The following GLS2 variants were observed in gnomAD, a reference collection of about 807,000 sequenced individuals.
The protein encoded by GLS2 is glutaminase liver isoform, mitochondrial.
GLS2 carries 52 observed loss-of-function variants against 79.0 expected under a neutral mutation model. That is an observed-to-expected ratio of 0.66 (90% CI 0.53 to 0.83). The LOEUF (loss-of-function observed/expected upper bound fraction) is 0.83. Among genes scored for constraint, GLS2 ranks in the 40% least tolerant of loss-of-function variants. GLS2 has a pLI of 0.00. For synonymous variants in GLS2, 238 were observed against 280.8 expected (o/e 0.85, Z 1.52); for missense variants, 561 against 764.8 (o/e 0.73, Z 3.14).
chr12:56,484,401 ATATAT>A (rs1870532443), intron 1 of GLS2, among the ~76,000 whole-genome samples: 2 of 152,214 alleles, frequency 1.3e-5, no homozygotes, highest in Non-Finnish European at 2.9e-5. Context: ...ACCATATGGA[ATATAT>A]TATCTATTGA....
At chr12:56,477,741 G>C in intron 6 of GLS2, 23 bp from the exon 7 acceptor site, 2 of 1,607,656 alleles carry the variant, frequency 1.2e-6, no homozygotes, top group Non-Finnish European at 8.5e-7. Context: ...AAACCACCAA[G>C]AGTCTTAGCC....
intron 7 of GLS2, chr12:56,476,408 C>T (rs1383131952): frequency 4.9e-6 from 1 of 205,536 alleles, no homozygotes; most frequent in African/African-American, 2.4e-5. Flanking sequence ...CTCCTAGCCC[C>T]ACCCTATCCC....
Position 56,475,735 on chromosome 12 carries a change from A to G in GLS2, c.871-53T>C. The stretch of plus-strand genomic sequence containing the variant: ...TCCACTTGGTTAAGAAGCTCTATTA[A>G]TACCTCACAGGTTGACTAGCCCTTC... On this transcript the variant is annotated intron_variant, in intron 8 of 17. Coordinates refer to ENST00000311966, the MANE Select transcript of GLS2 (RefSeq NM_013267.4). 1.9e-6 allele frequency: 3 copies of G among 1,587,392 alleles called. No homozygotes were observed. In the South Asian group the frequency reaches 3.3e-5, roughly 18 times the overall value.
rs527514747 is a variant in GLS2, at chr12:56,480,017, C to T, written c.283-116G>A. ...ACCCCAACCACTACAATAGGTGGAA[C>T]AAATGGGTTTGGAGAATAAGAAAGG... On this transcript the variant is annotated intron_variant, in intron 2 of 17. Coordinates refer to ENST00000311966, the MANE Select transcript of GLS2 (RefSeq NM_013267.4). The T allele has an allele frequency of 3.7e-6, 5 of 1,356,056 alleles. No individual in the cohort carries two copies. In the African/African-American group the frequency reaches 4.4e-5, roughly 12 times the overall value. 84.0% of individuals were successfully genotyped at this position (1,356,056 alleles called of 1,614,324 possible).
chr12:56,472,014 T>C (rs1869320586), intron 16 of GLS2, 105 bp downstream of exon 16: 2 of 1,353,204 alleles, frequency 1.5e-6, no homozygotes, highest in Admixed American at 3.5e-5. Flanking sequence ...ATAAAACTAG[T>C]TGCTGCCCCT....
intron 1 of GLS2, among the ~76,000 whole-genome samples, chr12:56,484,011 C>T (rs992988355): frequency 2.6e-5 from 4 of 152,072 alleles, no homozygotes; most frequent in African/African-American, 9.7e-5. Flanking sequence ...GTGGCTCATG[C>T]CTGTAATCCC....
At chr12:56,474,048 A>C (rs1441122063) in intron 12 of GLS2, 2 of 181,700 alleles carry the variant, frequency 1.1e-5, no homozygotes, top group Non-Finnish European at 2.3e-5. Flanking sequence ...AGCAATGTGA[A>C]GCACAATTCA....
chr12:56,473,721 CTTG>C, intron 12 of GLS2, 127 bp from the exon 13 acceptor site: 1 of 1,173,928 alleles, frequency 8.5e-7, no homozygotes, highest in Non-Finnish European at 1.2e-6. Context: ...AACCTTTTGG[CTTG>C]TTAATTAGCT....
rs1251376672 is a variant in GLS2 at position 56,471,597 on chromosome 12, C to G, written c.1699G>C (p.Glu567Gln). 1 of 1,614,068 alleles carries G rather than the reference C, an allele frequency of 6.2e-7. No homozygotes were observed. Among genetic ancestry groups the G allele is most frequent in the East Asian group, 2.2e-5 (1 of 44,882 alleles). The change falls in exon 18 of 18, where the codon GAG (glutamate) becomes CAG (glutamine). Residue 567 changes from glutamate to glutamine, a missense_variant. By Grantham distance (29) the Glu-to-Gln change is conservative. This residue lies in a region of GLS2 where 136 missense variants were observed against 228.6 expected (regional missense o/e 0.59). Transcript: ENST00000311966. ...TAATCTTGAAGCAGTTTGACCACCT[C>G]CAGATGGTTGAACTGCACAGCATCA... is the stretch of plus-strand genomic sequence containing the variant. ...LDDAVQFNHL[E>Q]VVKLLQDYQD... is the part of the protein sequence containing the mutation.
chr12:56,473,140 T>C (rs1414281246), intron 14 of GLS2, 88 bp downstream of exon 14: 2 of 1,200,268 alleles, frequency 1.7e-6, no homozygotes, highest in Non-Finnish European at 2.4e-6. Flanking sequence ...CCGCCCGCCT[T>C]GGCCTCTCAA....
At chr12:56,479,315 A>C in intron 3 of GLS2, 134 bp from the exon 4 acceptor site, 5 of 1,126,694 alleles carry the variant, frequency 4.4e-6, no homozygotes, top group Non-Finnish European at 6.1e-6. Flanking sequence ...TACCTTTGGC[A>C]AATCAGTTTA....
rs771193153 is a variant in GLS2 at position 56,472,803 on chromosome 12, C to T, written c.1450-52G>A. On this transcript the variant is annotated intron_variant, in intron 14 of 17. Transcript: ENST00000311966. ...CATTAATTGAACTCACCTATGCCAG[C>T]TGTGCCCTGTGACCCTCCTCCATGG... The T allele has an allele frequency of 3.3e-6, 5 of 1,518,910 alleles. No individual in the cohort carries two copies. The Admixed American group carries it at 6.7e-5, about 20-fold the overall frequency. 94.1% of individuals were successfully genotyped at this position (1,518,910 alleles called of 1,614,324 possible). A position where few individuals can be genotyped will look rare whatever the true frequency, so the allele number is the denominator to read the frequency against.
At chr12:56,475,583 C>T in intron 9 of GLS2, 41 bp downstream of exon 9, 1 of 1,595,466 alleles carries the variant, frequency 6.3e-7, no homozygotes, top group Non-Finnish European at 8.6e-7. Context: ...CACACACATA[C>T]ACCACAATGC....
At chr12:56,474,798 CA>C (rs1869648842) in intron 11 of GLS2, 47 bp downstream of exon 11, 2 of 1,612,964 alleles carry the variant, frequency 1.2e-6, no homozygotes, top group East Asian at 4.5e-5. Flanking sequence ...AGGGCAAGGG[CA>C]AGGACAGTCT....
chr12:56,475,396 A>G, intron 9 of GLS2: 1 of 726,878 alleles, frequency 1.4e-6, no homozygotes, highest in Non-Finnish European at 2.2e-6. Context: ...GGGCTTAGGC[A>G]CAAACCATCA....
At position 56,487,953 on chromosome 12, in the gene GLS2, G is replaced by T; in HGVS notation, c.166C>A (p.Pro56Thr). 6.2e-7 allele frequency: 1 copy of T among 1,603,156 alleles called. No individual in the cohort carries two copies. Among genetic ancestry groups the T allele is most frequent in the Non-Finnish European group, 8.5e-7 (1 of 1,179,674 alleles). The change falls in exon 1 of 18, where the codon CCG becomes ACG. Residue 56 changes from proline (P) to threonine (T), a missense_variant. Around this residue, in one of 4 missense-constraint regions of GLS2, gnomAD observed 161 missense variants for 167.8 expected, o/e 0.96. Transcript: ENST00000311966. ...GAGCCTTACTGATCCTGGTGCTGCG[G>T]CTGGTGGCTGTGTGGCGTCTCTCTG... Reference protein sequence around the residue: ...QGRETPHSHQPQHQDHDSSES... With the variant: ...QGRETPHSHQTQHQDHDSSES...
At chr12:56,473,728 ATTAGCTTC>A in intron 12 of GLS2, 134 bp from the exon 13 acceptor site, 1 of 1,093,774 alleles carries the variant, frequency 9.1e-7, no homozygotes, top group Non-Finnish European at 1.3e-6. Flanking sequence ...TGGCTTGTTA[ATTAGCTTC>A]TTTTATTACT....
chr12:56,472,041 A>G (rs1296846126), intron 16 of GLS2, 78 bp downstream of exon 16: 2 of 1,503,428 alleles, frequency 1.3e-6, no homozygotes. Context: ...TTGAGGGCAC[A>G]TATAATGAAG....
rs927636278 is a variant in GLS2 at position 56,488,014 on chromosome 12, GC to G, written c.104del (p.Gly35AlafsTer62). 6.3e-7 allele frequency: 1 copy of G among 1,597,896 alleles called. No individual in the cohort carries two copies. The highest frequency in any genetic ancestry group is 8.5e-7 in the Non-Finnish European group (1 of 1,178,530). ...HPSRSPLLGG[G>X]VRHHLSEAAA... Reference sequence around the variant, plus strand: ...CGGCCTCACTGAGGTGGTGCCGGACGCCCCCGCCAAGGAGGGGGCTCCGGCT... The same window carrying G: ...CGGCCTCACTGAGGTGGTGCCGGACGCCCCGCCAAGGAGGGGGCTCCGGCT... On this transcript the variant is annotated frameshift_variant, in exon 1 of 18. Transcript: ENST00000311966. LOFTEE classifies it high-confidence loss of function.
Sources: gnomAD v4.1 joint callset for allele counts (sites outside exome capture counted in the v4.1 genomes callset) on GRCh38, gnomAD v4.1.1 for gene constraint, gnomAD v4.1.1 regional missense constraint, MANE v1.5 for transcripts, NCBI Gene and HGNC (gene_info 2026-07-23, HGNC 2026-07-21) for gene names.